The following VAC14 variants were observed in gnomAD, a reference collection of about 807,000 sequenced individuals.
The protein encoded by VAC14 is protein VAC14 homolog.
A neutral mutation model predicts 85.3 loss-of-function variants in VAC14; 47 were observed. The observed-to-expected ratio is 0.55, with a 90% CI of 0.44 to 0.70. The LOEUF (loss-of-function observed/expected upper bound fraction) is 0.70. Ranked by LOEUF, VAC14 falls within the 30% of genes least tolerant of loss-of-function variation. The pLI is 0.00. For synonymous variants in VAC14, 447 were observed against 430.5 expected, an observed-to-expected ratio of 1.04 and a Z score of -0.47; for missense variants, 861 against 1,004.3, an observed-to-expected ratio of 0.86 and a Z score of 1.93.
At chr16:70,763,168 C>T in intron 10 of VAC14, 143 bp from the exon 11 acceptor site, 2 of 1,225,112 alleles carry the variant, frequency 1.6e-6, no homozygotes, top group East Asian at 2.6e-5. Context: ...CAGGGATAAC[C>T]TGATCCCACA....
At chr16:70,800,229 G>C (rs749698632) in intron 1 of VAC14, among the ~76,000 whole-genome samples, 4 of 152,206 alleles carry the variant, frequency 2.6e-5, no homozygotes, top group Non-Finnish European at 5.9e-5. Flanking sequence ...CATGTAACAA[G>C]ACTGCAGAAG....
intron 12 of VAC14, among the ~76,000 whole-genome samples, chr16:70,758,320 T>C (rs1597952322): frequency 1.3e-5 from 2 of 152,092 alleles, no homozygotes; most frequent in Admixed American, 6.5e-5. Flanking sequence ...GACATCATTA[T>C]CCCCTTTTCA....
chr16:70,708,886 G>A lies in VAC14; in HGVS notation c.1662-10075C>T, dbSNP rs928371588. Among the ~76,000 whole-genome samples, 10 of 152,292 alleles carry A rather than the reference G, an allele frequency of 6.6e-5. No homozygotes were observed. The East Asian group carries it at 7.7e-4, about 12-fold the overall frequency. The stretch of plus-strand genomic sequence containing the variant: ...TCCCCCGGCCATGAAGCCTTGGCAC[G>A]GCCGCAGGGACCTTCTTGCATGCTG... On this transcript the variant is annotated intron_variant, in intron 14 of 18. Transcript: ENST00000261776.
chr16:70,774,068 C>G (rs1397327172), intron 9 of VAC14, among the ~76,000 whole-genome samples: 1 of 152,126 alleles, frequency 6.6e-6, no homozygotes, highest in Non-Finnish European at 1.5e-5. Flanking sequence ...AGCCACCATG[C>G]CCGGCTCCAT....
chr16:70,722,166 A>G (rs935714255), intron 14 of VAC14, among the ~76,000 whole-genome samples: 1 of 152,240 alleles, frequency 6.6e-6, no homozygotes, highest in African/African-American at 2.4e-5. Context: ...TGAACTACAG[A>G]AAACTCCCTC....
chr16:70,745,456 G>A (rs548947265), intron 12 of VAC14, among the ~76,000 whole-genome samples: 8 of 152,042 alleles, frequency 5.3e-5, no homozygotes, highest in African/African-American at 1.7e-4. Context: ...GAGGGGCCAC[G>A]GACCTGCCCT....
chr16:70,777,541 C>G (rs941732738), intron 9 of VAC14, among the ~76,000 whole-genome samples: 2 of 152,148 alleles, frequency 1.3e-5, no homozygotes, highest in African/African-American at 2.4e-5. Flanking sequence ...AGGCTGGACA[C>G]GCAAAGTGCC....
At chr16:70,743,371 G>A (rs1399127922) in intron 13 of VAC14, among the ~76,000 whole-genome samples, 1 of 152,234 alleles carries the variant, frequency 6.6e-6, no homozygotes, top group Non-Finnish European at 1.5e-5. Context: ...GGCCACCCGA[G>A]CCAGCAGTGG....
chr16:70,741,606 C>T (rs1254779206), intron 13 of VAC14, among the ~76,000 whole-genome samples: 2 of 152,228 alleles, frequency 1.3e-5, no homozygotes, highest in South Asian at 2.1e-4. Context: ...TCTCCTTCCG[C>T]AGCCCCCACT....
intron 14 of VAC14, chr16:70,731,280 C>G (rs745727249): frequency 9.8e-6 from 13 of 1,325,568 alleles, no homozygotes; most frequent in Non-Finnish European, 1.2e-5. Context: ...TTCAGTTGTG[C>G]GGAAAAACAT....
chr16:70,729,426 C>G (rs1038540341), intron 14 of VAC14, among the ~76,000 whole-genome samples: 1 of 152,150 alleles, frequency 6.6e-6, no homozygotes, highest in Non-Finnish European at 1.5e-5. Context: ...TCCCACAACT[C>G]AATTCTGCGG....
At chr16:70,786,668 G>A (rs1354487180) in intron 1 of VAC14, among the ~76,000 whole-genome samples, 1 of 152,318 alleles carries the variant, frequency 6.6e-6, no homozygotes. Context: ...ATTATCAGTT[G>A]ATCAACTGTC....
intron 9 of VAC14, among the ~76,000 whole-genome samples, chr16:70,776,186 G>A (rs923525585): frequency 2.0e-5 from 3 of 151,984 alleles, no homozygotes; most frequent in Non-Finnish European, 2.9e-5. Flanking sequence ...CTGCAGCCTC[G>A]AGCTCCTGGG....
intron 1 of VAC14, among the ~76,000 whole-genome samples, chr16:70,797,003 G>A (rs2034574036): frequency 1.3e-5 from 2 of 152,128 alleles, no homozygotes. Context: ...TGCAGTGGGA[G>A]GATTGTTTCA....
At position 70,783,146 on chromosome 16, in the gene VAC14, A is replaced by C; in HGVS notation, c.705-7T>G. 4.3e-6 allele frequency: 7 copies of C among 1,613,180 alleles called. No individual in the cohort carries two copies. Among genetic ancestry groups the C allele is most frequent in the Non-Finnish European group, 5.9e-6 (7 of 1,179,462 alleles). On this transcript the variant is annotated splice_region_variant and splice_polypyrimidine_tract_variant and intron_variant, in intron 6 of 18. Transcript: ENST00000261776. ...TCCAAGAACAACCTCACACCTATGA[A>C]CAAGAACAGGAAAGTGGAAACAGCG...
chr16:70,792,043 C>T (rs946163334), intron 1 of VAC14, among the ~76,000 whole-genome samples: 8 of 152,214 alleles, frequency 5.3e-5, no homozygotes, highest in African/African-American at 1.9e-4. Flanking sequence ...AGAGCTGTGG[C>T]TGCTGGCCGG....
chr16:70,787,401 G>C (rs551026753), intron 1 of VAC14, among the ~76,000 whole-genome samples: 1 of 152,318 alleles, frequency 6.6e-6, no homozygotes, highest in South Asian at 2.1e-4. Flanking sequence ...CAGTGATGCT[G>C]ACAGGGAGAG....
At chr16:70,724,581 C>T (rs1379013509) in intron 14 of VAC14, among the ~76,000 whole-genome samples, 1 of 152,210 alleles carries the variant, frequency 6.6e-6, no homozygotes, top group Non-Finnish European at 1.5e-5. Context: ...CTGCCATTCC[C>T]ATTGCGAAGG....
intron 12 of VAC14, among the ~76,000 whole-genome samples, chr16:70,756,713 G>A (rs2031894608): frequency 6.6e-6 from 1 of 152,162 alleles, no homozygotes; most frequent in Non-Finnish European, 1.5e-5. Flanking sequence ...CCACTGGGTT[G>A]GGGAGGCACC....
Sources: allele counts gnomAD v4.1 joint callset (sites outside exome capture counted in the v4.1 genomes callset), GRCh38; gene constraint gnomAD v4.1.1; transcripts MANE v1.5; gene names NCBI Gene and HGNC (gene_info 2026-07-23, HGNC 2026-07-21).